The following GFRA2 variants were observed in gnomAD, a reference collection of about 807,000 sequenced individuals.
GFRA2 encodes the protein GDNF family receptor alpha-2.
In GFRA2, 17 loss-of-function variants were observed where a neutral mutation model predicts 48.3. The observed-to-expected ratio is 0.35, with a 90% CI of 0.24 to 0.53. GFRA2 has a LOEUF of 0.53. Ranked by LOEUF, GFRA2 falls within the 20% of genes least tolerant of loss-of-function variation. The pLI, the probability that GFRA2 is intolerant of heterozygous loss-of-function variation, is 0.93. For missense variants in GFRA2, 660 were observed against 637.3 expected, an observed-to-expected ratio of 1.04 and a Z score of -0.38; for synonymous variants, 305 against 257.2, an observed-to-expected ratio of 1.19 and a Z score of -1.78.
chr8:21,781,168 A>G (rs755500143), intron 2 of GFRA2, among the ~76,000 whole-genome samples: 12 of 152,154 alleles, frequency 7.9e-5, no homozygotes, highest in East Asian at 5.8e-4. Flanking sequence ...TTCCGCCACA[A>G]CTGTTCCTGG....
At chr8:21,758,282 C>T (rs1805686534) in intron 3 of GFRA2, among the ~76,000 whole-genome samples, 3 of 152,018 alleles carry the variant, frequency 2.0e-5, no homozygotes, top group South Asian at 4.2e-4. Flanking sequence ...TGGTCTGTGG[C>T]CAGCTACTGT....
intron 3 of GFRA2, among the ~76,000 whole-genome samples, chr8:21,759,214 C>T (rs889801058): frequency 6.6e-6 from 1 of 151,870 alleles, no homozygotes; most frequent in Non-Finnish European, 1.5e-5. Context: ...GGCAAAACCC[C>T]GTCTCTACTA....
intron 3 of GFRA2, among the ~76,000 whole-genome samples, chr8:21,754,789 A>G (rs1347586545): frequency 6.6e-6 from 1 of 152,150 alleles, no homozygotes; most frequent in Non-Finnish European, 1.5e-5. Context: ...GATTACAGGC[A>G]TGAGTCACTG....
intron 3 of GFRA2, among the ~76,000 whole-genome samples, chr8:21,755,843 G>T (rs1585302310): frequency 6.6e-6 from 1 of 152,272 alleles, no homozygotes; most frequent in African/African-American, 2.4e-5. Flanking sequence ...AGCCATGTTG[G>T]GGCATGTGGC....
chr8:21,702,670 C>T (rs554900578), intron 7 of GFRA2, 135 bp downstream of exon 7: 6 of 766,276 alleles, frequency 7.8e-6, no homozygotes, highest in South Asian at 5.9e-5. Flanking sequence ...AAGAATGACC[C>T]CCGGCAGCTC....
In GFRA2 at chr8:21,705,390, C is replaced by T. The variant is rs927098125; in HGVS notation, c.905-265G>A. ...AAGGCAGAGAAGATGCCCTGGAGCC[C>T]CTCCCAGAGTGTGGGCCCTTGCTTT... On this transcript the variant is annotated intron_variant, in intron 5 of 8. Coordinates refer to ENST00000524240, the MANE Select transcript of GFRA2 (RefSeq NM_001495.5). 1.2e-4 allele frequency among the ~76,000 whole-genome samples: 19 copies of T among 152,242 alleles called. 1 individual carries two copies. In the Middle Eastern group the frequency reaches 0.01, roughly 82 times the overall value.
chr8:21,811,644 TCTC>T (rs781598843), intron 1 of GFRA2, among the ~76,000 whole-genome samples: 1 of 151,954 alleles, frequency 6.6e-6, no homozygotes, highest in Non-Finnish European at 1.5e-5. Flanking sequence ...ACCCTGGCCT[TCTC>T]CTGCATACAA....
chr8:21,784,986 A>G (rs1359700190), intron 1 of GFRA2, among the ~76,000 whole-genome samples: 1 of 152,032 alleles, frequency 6.6e-6, no homozygotes, highest in Non-Finnish European at 1.5e-5. Context: ...GAGCCTCTGG[A>G]AGAATATAAC....
At chr8:21,707,829 T>C (rs566501868) in intron 4 of GFRA2, among the ~76,000 whole-genome samples, 5 of 152,380 alleles carry the variant, frequency 3.3e-5, no homozygotes, top group African/African-American at 1.2e-4. Flanking sequence ...CACTGACTTA[T>C]ACACTTACAT....
At chr8:21,737,163 T>C (rs1585275535) in intron 4 of GFRA2, among the ~76,000 whole-genome samples, 1 of 152,224 alleles carries the variant, frequency 6.6e-6, no homozygotes, top group Admixed American at 6.5e-5. Context: ...ATAGAATTAG[T>C]TCAAGACCAA....
intron 4 of GFRA2, among the ~76,000 whole-genome samples, chr8:21,744,860 TA>T (rs1804926124): frequency 6.6e-6 from 1 of 152,010 alleles, no homozygotes. Flanking sequence ...GCCAAAGACA[TA>T]AGCCAAGGTT....
chr8:21,706,520 T>C (rs781454362), intron 4 of GFRA2: 4 of 440,568 alleles, frequency 9.1e-6, no homozygotes, highest in East Asian at 7.1e-5. Flanking sequence ...ATAGGACCTA[T>C]CTGAGGGTCA....
At chr8:21,705,288 T>C (rs979653473) in intron 5 of GFRA2, among the ~76,000 whole-genome samples, 163 bp from the exon 6 acceptor site, 2 of 151,966 alleles carry the variant, frequency 1.3e-5, no homozygotes, top group African/African-American at 4.8e-5. Flanking sequence ...ACTCTGAGCA[T>C]GACTATCCCA....
chr8:21,720,707 C>T (rs886680752), intron 4 of GFRA2, among the ~76,000 whole-genome samples: 1 of 152,214 alleles, frequency 6.6e-6, no homozygotes, highest in Non-Finnish European at 1.5e-5. Context: ...TCTCCTTAAA[C>T]TTCCTCCAGT....
chr8:21,806,691 TC>T (rs1244048579), intron 1 of GFRA2, among the ~76,000 whole-genome samples: 2 of 152,168 alleles, frequency 1.3e-5, no homozygotes, highest in East Asian at 3.8e-4. Context: ...GCTCTTGAAC[TC>T]CTCCGTTCAA....
upstream of GFRA2, among the ~76,000 whole-genome samples, chr8:21,792,564 G>A (rs536927221): frequency 8.8e-3 from 1,339 of 152,318 alleles, 12 homozygotes; most frequent in South Asian, 0.016. Context: ...AGAGTCAAGC[G>A]TGTAGCTATG....
chr8:21,772,129 A>G (rs902555484), intron 3 of GFRA2, among the ~76,000 whole-genome samples: 3 of 152,132 alleles, frequency 2.0e-5, no homozygotes, highest in African/African-American at 7.2e-5. Context: ...GTTGGGAAGC[A>G]CTGCTCCAAG....
intron 4 of GFRA2, among the ~76,000 whole-genome samples, chr8:21,735,043 C>T (rs1036334528): frequency 6.6e-6 from 1 of 152,182 alleles, no homozygotes; most frequent in Non-Finnish European, 1.5e-5. Flanking sequence ...AACCAATGTT[C>T]CTCTTACATA....
intron 4 of GFRA2, among the ~76,000 whole-genome samples, chr8:21,749,654 G>C (rs1188048635): frequency 6.6e-6 from 1 of 151,838 alleles, no homozygotes; most frequent in African/African-American, 2.4e-5. Flanking sequence ...CTTCAGAAGT[G>C]GGACTAAATT....
Sources: gnomAD v4.1 joint callset for allele counts (sites outside exome capture counted in the v4.1 genomes callset) on GRCh38, gnomAD v4.1.1 for gene constraint, MANE v1.5 for transcripts, NCBI Gene and HGNC (gene_info 2026-07-23, HGNC 2026-07-21) for gene names.